Variants in SHPRH observed in about 807,000 individuals in gnomAD.
SHPRH encodes E3 ubiquitin-protein ligase SHPRH.
In SHPRH, 106 loss-of-function variants were observed where a neutral mutation model predicts 202.5. The ratio of observed to expected loss-of-function variants is 0.52; its 90% CI spans 0.45 to 0.62. The LOEUF (loss-of-function observed/expected upper bound fraction) is 0.62, where lower values mean the gene tolerates loss of function less well. SHPRH is among the 20% of genes least tolerant of loss of function. The probability of loss-of-function intolerance (pLI) is 0.00; values close to 1 mark genes in which losing one functional copy is unlikely to be tolerated. For synonymous variants in SHPRH, 729 were observed against 686.0 expected (o/e 1.06, Z -0.98); for missense variants, 1,710 against 2,020.0 (o/e 0.85, Z 2.94).
At chr6:145,876,626 T>G (rs1211491897) in intron 2 of SHPRH, 63 of 152,218 alleles carry the variant, frequency 4.1e-4, no homozygotes, top group Admixed American at 4.1e-3. Flanking sequence ...AATGCTGCTA[T>G]AAATATTCAC....
At position 145,933,108 on chromosome 6, in the gene SHPRH, G is replaced by A; in HGVS notation, c.3061C>T (p.Arg1021Ter). 10 of 1,613,866 alleles carry A rather than the reference G, an allele frequency of 6.2e-6. No homozygotes were observed. Among genetic ancestry groups the A allele is most frequent in the Non-Finnish European group, 7.6e-6 (9 of 1,179,884 alleles). Residue 1021 changes from arginine (R) to a stop codon, truncating the protein, a stop_gained, in exon 14 of 30, where the codon CGA (arginine) becomes TGA (stop). Transcript: ENST00000275233. LOFTEE classifies it high-confidence loss of function. ...CCATTGAGAGCACAAACTAGCTGTCGATGTGCTTCTTCACATTCAGTTCCA... is the reference window on the plus strand; with the variant it reads ...CCATTGAGAGCACAAACTAGCTGTCAATGTGCTTCTTCACATTCAGTTCCA... The part of the protein sequence containing the change: ...KCGTECEEAH[R>*]QLVCALNGLA...
intron 8 of SHPRH, among the ~76,000 whole-genome samples, chr6:145,944,235 C>T (rs1459999432): frequency 1.3e-5 from 2 of 152,110 alleles, no homozygotes; most frequent in African/African-American, 4.8e-5. Flanking sequence ...AAATTGATTC[C>T]TTCTTTCCTT....
rs777351718 is a variant in SHPRH, at chr6:145,950,472, T to C, written c.774A>G (p.Glu258=). ...CACTCTCCGGATCATCTTCATCCTC[T>C]TCCAACACATCTGTACATCACACAG... ...LHNSIIPDVL[E]EDEDDPESEP... Residue 258 remains glutamate, a synonymous_variant, in exon 4 of 30, where the codon GAA becomes GAG. Coordinates refer to ENST00000275233, the MANE Select transcript of SHPRH (RefSeq NM_001042683.3). The C allele has an allele frequency of 6.2e-7, 1 of 1,612,768 alleles. No individual in the cohort carries two copies. The highest frequency in any genetic ancestry group is 8.5e-7 in the Non-Finnish European group (1 of 1,179,178).
intron 2 of SHPRH, among the ~76,000 whole-genome samples, chr6:145,868,839 A>G (rs1238744220): frequency 6.6e-6 from 1 of 152,218 alleles, no homozygotes; most frequent in Non-Finnish European, 1.5e-5. Context: ...AAACATCTAC[A>G]ATGAACTATT....
intron 2 of SHPRH, among the ~76,000 whole-genome samples, chr6:145,867,631 TAGAGAGAGAGAGAGAG>T (rs748613165): frequency 4.5e-4 from 10 of 22,316 alleles, no homozygotes; most frequent in East Asian, 1.8e-3. Flanking sequence ...TATATATATA[TAGAGAGAGAGAGAGAG>T]AGAGAGAGAG....
chr6:145,888,847 A>G (rs544964258), intron 28 of SHPRH, among the ~76,000 whole-genome samples: 2 of 152,262 alleles, frequency 1.3e-5, no homozygotes, highest in South Asian at 2.1e-4. Context: ...TAGATTTGGA[A>G]TATCTTTTGG....
At chr6:145,864,223 A>G (rs1262188020), downstream of SHPRH, 1 of 198,244 alleles carries the variant, frequency 5.0e-6, no homozygotes, top group Non-Finnish European at 1.1e-5. Context: ...ATGTTTCACA[A>G]TTCCTTAATT....
In SHPRH at chr6:145,948,320, A is replaced by C. The variant is rs1747415467; in HGVS notation, c.1013T>G (p.Ile338Ser). The change falls in exon 5 of 30, where the codon ATT becomes AGT. Residue 338 changes from isoleucine to serine, a missense_variant. Around this residue, in one of 8 missense-constraint regions of SHPRH, gnomAD observed 459 missense variants for 426.5 expected, o/e 1.08. Coordinates refer to ENST00000275233, the MANE Select transcript of SHPRH (RefSeq NM_001042683.3). ...GAGTTTCAGACCCTCAGATGTAACA[A>C]TCTCTCGCCATAAGAAGTGCAGGGC... is the stretch of plus-strand genomic sequence containing the variant. ...ESALHFLWREIVTSEGLKLYY... is the reference protein window; with the variant it reads ...ESALHFLWRESVTSEGLKLYY... 1.2e-6 allele frequency: 2 copies of C among 1,606,198 alleles called. No homozygotes were observed. Among genetic ancestry groups the C allele is most frequent in the Middle Eastern group, 1.7e-4 (1 of 6,016 alleles).
At chr6:145,962,724 G>A (rs1789221499) in intron 1 of SHPRH, among the ~76,000 whole-genome samples, 2 of 152,104 alleles carry the variant, frequency 1.3e-5, no homozygotes, top group African/African-American at 4.8e-5. Context: ...GGGCAAAAAG[G>A]ATTACATACT....
intron 1 of SHPRH, among the ~76,000 whole-genome samples, chr6:145,958,673 T>C (rs1194261366): frequency 6.6e-6 from 1 of 152,154 alleles, no homozygotes; most frequent in Non-Finnish European, 1.5e-5. Flanking sequence ...AATAAGGTAG[T>C]TATTGGCTGC....
intron 2 of SHPRH, among the ~76,000 whole-genome samples, chr6:145,874,980 C>A (rs1450955195): frequency 6.6e-6 from 1 of 152,240 alleles, no homozygotes; most frequent in Middle Eastern, 3.4e-3. Flanking sequence ...AGATTAGCAT[C>A]CCAAATCCCA....
chr6:145,931,359 A>C (rs548031902), intron 14 of SHPRH, among the ~76,000 whole-genome samples: 3 of 150,048 alleles, frequency 2.0e-5, no homozygotes, highest in South Asian at 2.1e-4. Flanking sequence ...TTATTTACTT[A>C]TTATTATTTT....
At position 145,955,089 on chromosome 6, in the gene SHPRH, G is replaced by A; in HGVS notation, c.234C>T (p.Ser78=). The A allele has an allele frequency of 6.2e-7, 1 of 1,613,278 alleles. No individual in the cohort carries two copies. The highest frequency in any genetic ancestry group is 8.5e-7 in the Non-Finnish European group (1 of 1,179,916). The change falls in exon 2 of 30, where the codon AGC becomes AGT. Residue 78 remains serine, a synonymous_variant. Transcript: ENST00000275233. ...RDKKRCSKVV[S]FSKPIEKEET... is the part of the protein sequence containing the mutation. ...CTTCTTTTTCAATTGGTTTTGAGAA[G>A]CTCACCACTTTTGAACACCTCTTCT...
In SHPRH at chr6:145,934,825, T is replaced by C. The variant is rs1785894336; in HGVS notation, c.2990+82A>G. 5 of 1,351,516 alleles carry C rather than the reference T, an allele frequency of 3.7e-6. No individual in the cohort carries two copies. The East Asian group carries it at 9.3e-5, about 25-fold the overall frequency. 83.7% of individuals were successfully genotyped at this position (1,351,516 alleles called of 1,614,324 possible). A position where few individuals can be genotyped will look rare whatever the true frequency, so the allele number is the denominator to read the frequency against. The stretch of plus-strand genomic sequence containing the variant: ...AAAGATAACTGACAACTCAGTTACA[T>C]GTCTCTGAATGAAACCGTGGGCCTG... On this transcript the variant is annotated intron_variant, in intron 13 of 29. Transcript: ENST00000275233.
chr6:145,922,413 G>T, intron 19 of SHPRH, 65 bp from the exon 20 acceptor site: 1 of 1,490,318 alleles, frequency 6.7e-7, no homozygotes, highest in South Asian at 1.3e-5. Context: ...ATTTTAAGGA[G>T]AAGCTTAATA....
At chr6:145,961,188 GCAGGATGGGGGACCA>G (rs1456827750) in intron 1 of SHPRH, among the ~76,000 whole-genome samples, 1 of 152,112 alleles carries the variant, frequency 6.6e-6, no homozygotes, top group Non-Finnish European at 1.5e-5. Flanking sequence ...CTGTAATGTC[GCAGGATGGGGGACCA>G]CAGATTAGTG....
Position 145,926,218 on chromosome 6 carries a change from G to T in SHPRH, c.3280C>A (p.Arg1094=). 1 of 1,612,450 alleles carries T rather than the reference G, an allele frequency of 6.2e-7. No homozygotes were observed. Among genetic ancestry groups the T allele is most frequent in the Non-Finnish European group, 8.5e-7 (1 of 1,179,096 alleles). Reference sequence around the variant, plus strand: ...AAAATAATTACCTCTTCCTCAAGTCGGCCATCACGCAAGGTAGGTGGTATC... The same window carrying T: ...AAAATAATTACCTCTTCCTCAAGTCTGCCATCACGCAAGGTAGGTGGTATC... ...PGIPPTLRDG[R]LEEEAKQLRE... The change falls in exon 16 of 30, where the codon CGA becomes AGA. Residue 1094 remains arginine (R), a synonymous_variant. Coordinates refer to ENST00000275233, the MANE Select transcript of SHPRH (RefSeq NM_001042683.3).
chr6:145,897,381 T>C (rs1364529652), intron 25 of SHPRH, among the ~76,000 whole-genome samples: 1 of 151,948 alleles, frequency 6.6e-6, no homozygotes, highest in Non-Finnish European at 1.5e-5. Context: ...AGTAACAAGA[T>C]TGAGTCAGTA....
rs779050279 is a variant in SHPRH at position 145,919,496 on chromosome 6, A to C, written c.4009-5T>G. On this transcript the variant is annotated splice_polypyrimidine_tract_variant and splice_region_variant and intron_variant, in intron 21 of 29. Coordinates refer to ENST00000275233, the MANE Select transcript of SHPRH (RefSeq NM_001042683.3). ...CATCCAATATTCATGAAGCAACTGA[A>C]GGAATAGAAAAGACAAACACAGTGG... 1.2e-5 allele frequency: 19 copies of C among 1,612,040 alleles called. No homozygotes were observed. The highest frequency in any genetic ancestry group is 1.6e-5 in the Non-Finnish European group (19 of 1,178,926).
Sources: gnomAD v4.1 joint callset for allele counts (sites outside exome capture counted in the v4.1 genomes callset) on GRCh38, gnomAD v4.1.1 for gene constraint, gnomAD v4.1.1 regional missense constraint, MANE v1.5 for transcripts, NCBI Gene and HGNC (gene_info 2026-07-23, HGNC 2026-07-21) for gene names.